Variants in GALNT7 observed in about 807,000 individuals in gnomAD.
GALNT7 encodes polypeptide N-acetylgalactosaminyltransferase 7.
Under a neutral mutation model 82.1 loss-of-function variants are expected in GALNT7, and 60 were observed. The ratio of observed to expected loss-of-function variants is 0.73; its 90% CI spans 0.59 to 0.91. GALNT7 has a LOEUF of 0.91. GALNT7 is among the 40% of genes least tolerant of loss of function. The pLI is 0.00. For missense variants in GALNT7, 660 were observed against 804.2 expected, an observed-to-expected ratio of 0.82 and a Z score of 2.17; for synonymous variants, 243 against 275.1, an observed-to-expected ratio of 0.88 and a Z score of 1.15.
At chr4:173,198,248 T>G (rs1173107123) in intron 1 of GALNT7, among the ~76,000 whole-genome samples, 2 of 150,980 alleles carry the variant, frequency 1.3e-5, no homozygotes, top group African/African-American at 2.4e-5. Context: ...TTTTGTATTT[T>G]TAGTAGAGAC....
chr4:173,263,181 G>A (rs977362126), intron 2 of GALNT7, among the ~76,000 whole-genome samples: 1 of 150,674 alleles, frequency 6.6e-6, no homozygotes, highest in African/African-American at 2.5e-5. Flanking sequence ...CCACAAATCT[G>A]TGGATCATAC....
At chr4:173,194,896 T>C (rs1376086482) in intron 1 of GALNT7, among the ~76,000 whole-genome samples, 1 of 152,202 alleles carries the variant, frequency 6.6e-6, no homozygotes, top group African/African-American at 2.4e-5. Context: ...CCTGAAAATG[T>C]CCTCTCCACT....
chr4:173,321,994 C>A lies in GALNT7; in HGVS notation c.*277C>A. On this transcript the variant is annotated 3_prime_UTR_variant, in exon 12 of 12. Coordinates refer to ENST00000265000, the MANE Select transcript of GALNT7 (RefSeq NM_017423.3). ...ATGTTGGTAATTTGTGCCTTTAGCT[C>A]TGTTTTATTAGACAGAGTTAAAGCA... 3.8e-6 allele frequency: 1 copy of A among 264,280 alleles called. No homozygotes were observed. The highest frequency in any genetic ancestry group is 7.4e-6 in the Non-Finnish European group (1 of 135,584). The allele number at this position is 264,280 out of a possible 1,614,324, so 16.4% of individuals were successfully genotyped here. A position where few individuals can be genotyped will look rare whatever the true frequency, so the allele number is the denominator to read the frequency against.
chr4:173,292,360 T>A lies in GALNT7; in HGVS notation c.754+86T>A. On this transcript the variant is annotated intron_variant, in intron 3 of 11. Coordinates refer to ENST00000265000, the MANE Select transcript of GALNT7 (RefSeq NM_017423.3). The surrounding 1 kb of genome is among the most constrained non-coding windows in gnomAD (Gnocchi z 4.8). ...AAGGTGATTTCAAAATAATTAGCTT[T>A]AAAAAATTAATAGCATCTATTGATA... The A allele has an allele frequency of 1.3e-6, 1 of 795,604 alleles. No individual in the cohort carries two copies. The highest frequency in any genetic ancestry group is 2.0e-6 in the Non-Finnish European group (1 of 498,000). 49.3% of individuals were successfully genotyped at this position (795,604 alleles called of 1,614,324 possible). A position where few individuals can be genotyped will look rare whatever the true frequency, so the allele number is the denominator to read the frequency against.
chr4:173,299,318 A>G lies in GALNT7; in HGVS notation c.1148+1021A>G, dbSNP rs139441552. On this transcript the variant is annotated intron_variant, in intron 6 of 11. Coordinates refer to ENST00000265000, the MANE Select transcript of GALNT7 (RefSeq NM_017423.3). Reference sequence around the variant, plus strand: ...TTTTTTGGTAAATTTCTTATTCAGAATAGTCCAGGAATCAACTGCTTACGT... The same window carrying G: ...TTTTTTGGTAAATTTCTTATTCAGAGTAGTCCAGGAATCAACTGCTTACGT... Among the ~76,000 whole-genome samples the G allele has an allele frequency of 2.6e-3, 402 of 152,336 alleles. 2 individuals carry two copies. The highest frequency in any genetic ancestry group is 9.2e-3 in the African/African-American group (384 of 41,576).
chr4:173,313,575 A>C (rs918880040), intron 8 of GALNT7, among the ~76,000 whole-genome samples: 48 of 151,414 alleles, frequency 3.2e-4, no homozygotes, highest in Admixed American at 2.5e-3. Flanking sequence ...CATCACAAAA[A>C]AAAAAAAAAA....
Position 173,266,868 on chromosome 4 carries a change from G to GGTGTGTGTGT in GALNT7, c.587+18478_587+18487dup, listed in dbSNP as rs71596614. 2.6e-3 allele frequency among the ~76,000 whole-genome samples: 249 copies of GGTGTGTGTGT among 95,116 alleles called. 2 individuals carry two copies. The highest frequency in any genetic ancestry group is 4.6e-3 in the East Asian group (13 of 2,838). 62.4% of individuals were successfully genotyped at this position (95,116 alleles called of 152,430 possible). Reference sequence around the variant, plus strand: ...ATGACGGCTACCTGAGGCTGGGAAGGGTGTGTGTGTGTGTGTGTGTGTGTG... The same window carrying GGTGTGTGTGT: ...ATGACGGCTACCTGAGGCTGGGAAGGGTGTGTGTGTGTGTGTGTGTGTGTGTGTGTGTGTG... On this transcript the variant is annotated intron_variant, in intron 2 of 11. Coordinates refer to ENST00000265000, the MANE Select transcript of GALNT7 (RefSeq NM_017423.3).
At chr4:173,199,498 C>T (rs922648300) in intron 1 of GALNT7, among the ~76,000 whole-genome samples, 4 of 152,152 alleles carry the variant, frequency 2.6e-5, no homozygotes, top group African/African-American at 7.2e-5. Flanking sequence ...TAACCATCAT[C>T]GTTACAGTTG....
chr4:173,283,688 AC>A (rs1736205842), intron 2 of GALNT7, among the ~76,000 whole-genome samples: 1 of 151,876 alleles, frequency 6.6e-6, no homozygotes, highest in Admixed American at 6.6e-5. Flanking sequence ...CAGGTTAGGA[AC>A]CCTGTACAGG....
chr4:173,214,563 T>G (rs1733382055), intron 1 of GALNT7, among the ~76,000 whole-genome samples: 1 of 152,108 alleles, frequency 6.6e-6, no homozygotes, highest in Admixed American at 6.5e-5. Flanking sequence ...TAAGAAATCT[T>G]CAAAGAGAAA....
intron 2 of GALNT7, among the ~76,000 whole-genome samples, chr4:173,283,362 A>G (rs1196372019): frequency 6.6e-6 from 1 of 152,148 alleles, no homozygotes; most frequent in East Asian, 1.9e-4. Context: ...TCTAAAGCCG[A>G]TCTAGACGTG....
intron 1 of GALNT7, among the ~76,000 whole-genome samples, chr4:173,219,261 AC>A (rs1423776022): frequency 6.6e-6 from 1 of 151,734 alleles, no homozygotes; most frequent in Non-Finnish European, 1.5e-5. Context: ...TCACTTACTT[AC>A]CCTCCAGTTG....
intron 2 of GALNT7, among the ~76,000 whole-genome samples, chr4:173,265,808 T>C (rs1260259436): frequency 6.6e-6 from 1 of 152,016 alleles, no homozygotes; most frequent in African/African-American, 2.4e-5. Context: ...CGCTTTGCTT[T>C]CATCTCAGTC....
chr4:173,241,226 GA>G lies in GALNT7; in HGVS notation c.127-6751del, dbSNP rs1375691524. On this transcript the variant is annotated intron_variant, in intron 1 of 11. Transcript: ENST00000265000. ...TCTCTATTTAAAAAAAAAAAAAAAAGAAAGAAAGAAAAGAAATAGTTGATAT... is the reference window on the plus strand; with the variant it reads ...TCTCTATTTAAAAAAAAAAAAAAAAGAAGAAAGAAAAGAAATAGTTGATAT... Among the ~76,000 whole-genome samples, 9 of 89,682 alleles carry G rather than the reference GA, an allele frequency of 1.0e-4. 1 individual carries two copies. Among genetic ancestry groups the G allele is most frequent in the African/African-American group, 2.7e-4 (7 of 25,770 alleles). The allele number at this position is 89,682 out of a possible 152,430, so 58.8% of individuals were successfully genotyped here. A position where few individuals can be genotyped will look rare whatever the true frequency, so the allele number is the denominator to read the frequency against.
intron 2 of GALNT7, among the ~76,000 whole-genome samples, chr4:173,291,535 A>G (rs1736531827): frequency 6.6e-6 from 1 of 152,232 alleles, no homozygotes; most frequent in African/African-American, 2.4e-5. Context: ...ATAGTTGTGT[A>G]GAACAACTAA....
chr4:173,214,253 T>G (rs1733371603), intron 1 of GALNT7, among the ~76,000 whole-genome samples: 1 of 151,816 alleles, frequency 6.6e-6, no homozygotes, highest in Non-Finnish European at 1.5e-5. Flanking sequence ...AGCAATTAAG[T>G]TCAGTTCAAA....
intron 1 of GALNT7, among the ~76,000 whole-genome samples, chr4:173,195,394 C>T (rs146790299): frequency 1.8e-4 from 27 of 152,242 alleles, no homozygotes; most frequent in African/African-American, 6.0e-4. Context: ...AAACAGTTCT[C>T]GGAGTCTAAT....
intron 9 of GALNT7, among the ~76,000 whole-genome samples, chr4:173,315,423 A>G (rs950689058): frequency 3.9e-5 from 6 of 152,146 alleles, no homozygotes; most frequent in African/African-American, 1.4e-4. Flanking sequence ...TGTAGGTTGT[A>G]TGATGCCAAA....
intron 1 of GALNT7, among the ~76,000 whole-genome samples, chr4:173,238,577 G>A (rs1054675031): frequency 1.3e-5 from 2 of 152,100 alleles, no homozygotes; most frequent in African/African-American, 4.8e-5. Flanking sequence ...TTTGACAAAT[G>A]CAGTTTTATC....
Sources: allele counts gnomAD v4.1 joint callset (sites outside exome capture counted in the v4.1 genomes callset), GRCh38; gene constraint gnomAD v4.1.1; non-coding constraint Gnocchi (gnomAD v3.1); transcripts MANE v1.5; gene names NCBI Gene and HGNC (gene_info 2026-07-23, HGNC 2026-07-21).